Variants in NEBL observed in about 807,000 individuals in gnomAD.
NEBL encodes LIM and SH3 protein 2.
In NEBL, 122 loss-of-function variants were observed where a neutral mutation model predicts 140.2. That is an observed-to-expected ratio of 0.87 (90% CI 0.75 to 1.01). The LOEUF is 1.01. Ranked by LOEUF, NEBL falls within the 50% of genes least tolerant of loss-of-function variation. The pLI is 0.00. For synonymous variants in NEBL, 436 were observed against 398.9 expected, an observed-to-expected ratio of 1.09 and a Z score of -1.11; for missense variants, 1,365 against 1,231.3, an observed-to-expected ratio of 1.11 and a Z score of -1.62.
At chr10:20,792,268 AT>A (rs1203890436) in intron 26 of NEBL, among the ~76,000 whole-genome samples, 4 of 152,198 alleles carry the variant, frequency 2.6e-5, no homozygotes, top group African/African-American at 9.6e-5. Context: ...GAAAATCACC[AT>A]TCAGAAATTT....
At chr10:21,009,426 T>C (rs1233694121) in intron 3 of NEBL, among the ~76,000 whole-genome samples, 1 of 152,142 alleles carries the variant, frequency 6.6e-6, no homozygotes, top group Non-Finnish European at 1.5e-5. Flanking sequence ...AGGAGCTCAG[T>C]GTCAGTCAAA....
chr10:21,279,756 TAAA>T (rs11327218), intron 1 of NEBL, among the ~76,000 whole-genome samples: 7 of 135,670 alleles, frequency 5.2e-5, no homozygotes, highest in Non-Finnish European at 7.9e-5. Context: ...AGAATCCATA[TAAA>T]AAAAAAAAAA....
At chr10:20,876,272 T>C (rs1845490735) in intron 5 of NEBL, among the ~76,000 whole-genome samples, 1 of 152,212 alleles carries the variant, frequency 6.6e-6, no homozygotes, top group African/African-American at 2.4e-5. Flanking sequence ...TATAAATCTA[T>C]AGTTGATAAA....
chr10:21,003,187 G>T (rs879405685), intron 3 of NEBL, among the ~76,000 whole-genome samples: 1 of 152,042 alleles, frequency 6.6e-6, no homozygotes, highest in Admixed American at 6.6e-5. Flanking sequence ...CTCTTCTGCA[G>T]TGTTTCCCTA....
intron 2 of NEBL, among the ~76,000 whole-genome samples, chr10:21,057,168 A>G (rs1047981723): frequency 2.6e-5 from 4 of 152,148 alleles, no homozygotes; most frequent in Admixed American, 6.6e-5. Flanking sequence ...GGGCTTTCAC[A>G]TCTAAAATCT....
intron 2 of NEBL, among the ~76,000 whole-genome samples, chr10:21,105,523 T>G (rs1201437218): frequency 6.6e-6 from 1 of 152,212 alleles, no homozygotes; most frequent in Admixed American, 6.5e-5. Context: ...AACTCATCCT[T>G]TTTTATGGCT....
chr10:21,142,959 A>G (rs777084950), intron 2 of NEBL, among the ~76,000 whole-genome samples: 3 of 152,188 alleles, frequency 2.0e-5, no homozygotes, highest in Non-Finnish European at 4.4e-5. Context: ...ATCTTCAGGT[A>G]GTTATACAGT....
intron 19 of NEBL, 63 bp downstream of exon 19, chr10:20,823,145 A>C: frequency 8.2e-7 from 1 of 1,226,850 alleles, no homozygotes; most frequent in Non-Finnish European, 1.2e-6. Context: ...TACAGGTTTT[A>C]TGCTGTCATT....
intron 3 of NEBL, among the ~76,000 whole-genome samples, chr10:20,978,694 G>T (rs1836904522): frequency 6.6e-6 from 1 of 151,826 alleles, no homozygotes; most frequent in Non-Finnish European, 1.5e-5. Context: ...GTTTGAGGCT[G>T]CAGTGAGCCG....
At chr10:21,159,828 C>T (rs1389462454) in intron 2 of NEBL, among the ~76,000 whole-genome samples, 1 of 152,150 alleles carries the variant, frequency 6.6e-6, no homozygotes, top group Non-Finnish European at 1.5e-5. Flanking sequence ...TCAGCCTGTC[C>T]CCATCCCACG....
intron 2 of NEBL, among the ~76,000 whole-genome samples, chr10:21,165,392 C>A (rs1840718876): frequency 6.6e-6 from 1 of 152,104 alleles, no homozygotes; most frequent in Non-Finnish European, 1.5e-5. Flanking sequence ...CTTAATGAAC[C>A]CTAGTCACCA....
intron 4 of NEBL, among the ~76,000 whole-genome samples, chr10:20,929,930 A>T (rs750520216): frequency 3.9e-5 from 6 of 152,136 alleles, no homozygotes; most frequent in Non-Finnish European, 5.9e-5. Context: ...AAATAAAAAT[A>T]AAAAAATTGA....
At chr10:21,136,485 T>C (rs1041167109) in intron 2 of NEBL, among the ~76,000 whole-genome samples, 7 of 152,134 alleles carry the variant, frequency 4.6e-5, no homozygotes, top group African/African-American at 1.2e-4. Flanking sequence ...TGGGCCACCA[T>C]GCCCAGCCCT....
chr10:21,051,175 T>TA (rs1480442134), intron 2 of NEBL, among the ~76,000 whole-genome samples: 1 of 152,182 alleles, frequency 6.6e-6, no homozygotes, highest in African/African-American at 2.4e-5. Context: ...TATGACCACA[T>TA]CATACCCCTT....
chr10:20,983,789 C>T (rs11012458), intron 3 of NEBL, among the ~76,000 whole-genome samples: 9,274 of 152,148 alleles, frequency 0.061, 639 homozygotes, highest in East Asian at 0.36. Context: ...GAAAATGCTA[C>T]ACATGACATG....
intron 4 of NEBL, among the ~76,000 whole-genome samples, chr10:20,931,468 C>G (rs1280006109): frequency 6.6e-6 from 1 of 152,100 alleles, no homozygotes; most frequent in Non-Finnish European, 1.5e-5. Context: ...CATAAGAGAT[C>G]AAAAAGAAAT....
intron 3 of NEBL, among the ~76,000 whole-genome samples, chr10:21,225,378 CACTGCCTG>C (rs1277794315): frequency 2.0e-5 from 3 of 152,086 alleles, no homozygotes; most frequent in Non-Finnish European, 2.9e-5. Context: ...CCACAGTAAC[CACTGCCTG>C]ACTACCGCCT....
intron 3 of NEBL, among the ~76,000 whole-genome samples, chr10:21,234,641 C>T (rs1201476422): frequency 6.6e-6 from 1 of 152,124 alleles, no homozygotes; most frequent in African/African-American, 2.4e-5. Flanking sequence ...CTGTTAATCC[C>T]CCTCTCTCTG....
At chr10:21,240,907 T>TACACACACACACACACACACAC (rs61704937) in intron 3 of NEBL, among the ~76,000 whole-genome samples, 1 of 137,278 alleles carries the variant, frequency 7.3e-6, no homozygotes, top group Non-Finnish European at 1.6e-5. Flanking sequence ...CACGCACACA[T>TACACACACACACACACACACAC]ACACACACAC....
Sources: allele counts gnomAD v4.1 joint callset (sites outside exome capture counted in the v4.1 genomes callset), GRCh38; gene constraint gnomAD v4.1.1; transcripts MANE v1.5; gene names NCBI Gene and HGNC (gene_info 2026-07-23, HGNC 2026-07-21).